The following ZNF862 variants were observed in gnomAD, a reference collection of about 807,000 sequenced individuals.
ZNF862 encodes the protein zinc finger protein 862.
In ZNF862, 64 loss-of-function variants were observed where a neutral mutation model predicts 91.1. That is an observed-to-expected ratio of 0.70 (90% CI 0.57 to 0.87). ZNF862 has a LOEUF of 0.87. ZNF862 is among the 40% of genes least tolerant of loss of function. The pLI is 0.00. For synonymous variants in ZNF862, 631 were observed against 618.1 expected (o/e 1.02, Z -0.31); for missense variants, 1,459 against 1,528.0 (o/e 0.95, Z 0.75).
In ZNF862 at chr7:149,861,223, C is replaced by G. The variant is rs764707645; in HGVS notation, c.2063C>G (p.Pro688Arg). 15 of 1,612,278 alleles carry G rather than the reference C, an allele frequency of 9.3e-6. No individual in the cohort carries two copies. The highest frequency in any genetic ancestry group is 2.5e-6 in the Non-Finnish European group (3 of 1,179,524). Residue 688 changes from proline to arginine, a missense_variant, in exon 7 of 8, where the codon CCT (proline) becomes CGT (arginine). Physicochemically the swap from Pro to Arg is moderately radical, Grantham distance 103 (BLOSUM62 -2). Coordinates refer to ENST00000223210, the MANE Select transcript of ZNF862 (RefSeq NM_001099220.3). The surrounding 1 kb of genome is among the most constrained non-coding windows in gnomAD (Gnocchi z 6.7). ...GAGCTGGACATCCCCTTCCGGAAGC[C>G]TGGCTGGGTGGTGGGGCTGGGGACG... Reference protein sequence around the residue: ...LDELDIPFRKPGWVVGLGTDG... With the variant: ...LDELDIPFRKRGWVVGLGTDG...
intron 1 of ZNF862, among the ~76,000 whole-genome samples, 167 bp from the exon 2 acceptor site, chr7:149,844,458 G>A (rs753222821): frequency 2.6e-5 from 4 of 152,134 alleles, no homozygotes; most frequent in African/African-American, 4.8e-5. Flanking sequence ...AACGAGTCTC[G>A]TTGTCACTGT....
intron 5 of ZNF862, among the ~76,000 whole-genome samples, chr7:149,854,043 ATT>A (rs1417446831): frequency 6.6e-6 from 1 of 151,952 alleles, no homozygotes; most frequent in African/African-American, 2.4e-5. Flanking sequence ...AATTTGCCGC[ATT>A]ATTTCTAAAT....
Position 149,850,076 on chromosome 7 carries a change from A to C in ZNF862, c.940-85A>C. On this transcript the variant is annotated intron_variant, in intron 4 of 7. Coordinates refer to ENST00000223210, the MANE Select transcript of ZNF862 (RefSeq NM_001099220.3). This position sits in a 1 kb window ranked among gnomAD's most constrained non-coding sequence, Gnocchi z 4.2. The stretch of plus-strand genomic sequence containing the variant: ...GCCTCTTGGTGAGCTTCCCAGGAGA[A>C]ATAGGGCTTCCAAAGGCCCCAGAAG... 6.9e-7 allele frequency: 1 copy of C among 1,439,052 alleles called. No homozygotes were observed. The highest frequency in any genetic ancestry group is 2.5e-5 in the East Asian group (1 of 40,356). 89.1% of individuals were successfully genotyped at this position (1,439,052 alleles called of 1,614,324 possible).
In ZNF862 at chr7:149,865,139, GT is replaced by G. The variant is rs1802666240; in HGVS notation, c.*856del. On this transcript the variant is annotated 3_prime_UTR_variant, in exon 8 of 8. Coordinates refer to ENST00000223210, the MANE Select transcript of ZNF862 (RefSeq NM_001099220.3). ...CCATGAAGTGGCAGCAGAGATCCAA[GT>G]GCCTGCTGACTCCCCATCTGCCCTA... is the stretch of plus-strand genomic sequence containing the variant. The G allele has an allele frequency of 6.6e-6, 1 of 152,258 alleles. No individual in the cohort carries two copies. The highest frequency in any genetic ancestry group is 1.5e-5 in the Non-Finnish European group (1 of 68,108). The allele number at this position is 152,258 out of a possible 1,614,324, so 9.4% of individuals were successfully genotyped here.
In ZNF862 at chr7:149,846,130, CTTTTT is replaced by C; in HGVS notation, c.137-13_137-9del. On this transcript the variant is annotated splice_polypyrimidine_tract_variant and intron_variant, in intron 2 of 7. Transcript: ENST00000223210. The stretch of plus-strand genomic sequence containing the variant: ...AGTGCTTTTCTCTCTCTCTCGCTCT[CTTTTT>C]TTTTTTTGGACTCAGGACCAACTGT... The C allele has an allele frequency of 7.3e-7, 1 of 1,360,740 alleles. No individual in the cohort carries two copies. Among genetic ancestry groups the C allele is most frequent in the Non-Finnish European group, 1.0e-6 (1 of 978,068 alleles). 84.3% of individuals were successfully genotyped at this position (1,360,740 alleles called of 1,614,324 possible).
In ZNF862 at chr7:149,861,039, C is replaced by T; in HGVS notation, c.1879C>T (p.Leu627=). The part of the protein sequence containing the change: ...DVRNSPCVSV[L]LDSSTDASEQ... ...GCGGAACTCGCCCTGTGTGAGCGTG[C>T]TGCTGGACAGCTCCACCGACGCCTC... is the stretch of plus-strand genomic sequence containing the variant. The change falls in exon 7 of 8, where the codon CTG becomes TTG. Residue 627 remains leucine (L), a synonymous_variant. Transcript: ENST00000223210. This position sits in a 1 kb window ranked among gnomAD's most constrained non-coding sequence, Gnocchi z 6.7. The T allele has an allele frequency of 6.2e-7, 1 of 1,612,810 alleles. No individual in the cohort carries two copies.
At chr7:149,849,509 A>G (rs1269908479) in intron 4 of ZNF862, among the ~76,000 whole-genome samples, 1 of 152,224 alleles carries the variant, frequency 6.6e-6, no homozygotes, top group Non-Finnish European at 1.5e-5. Context: ...ACAACAAATC[A>G]TTTTTAACTC....
intron 3 of ZNF862, 57 bp downstream of exon 3, chr7:149,846,312 G>C (rs1328550140): frequency 4.0e-5 from 55 of 1,358,278 alleles, no homozygotes. Context: ...AGCATGGGCA[G>C]CCCCAGGACT....
At position 149,848,300 on chromosome 7, in the gene ZNF862, G is replaced by T. The variant is rs368804918; in HGVS notation, c.807G>T (p.Gly269=). Residue 269 remains glycine (G), a synonymous_variant, in exon 4 of 8, where the codon GGG becomes GGT. Transcript: ENST00000223210. ...PSSRAELEDP[G]GDGAIPAMYL... ...CAAGAGCTGAACTAGAGGACCCTGG[G>T]GGGGATGGAGCAATTCCTGCAATGT... The T allele has an allele frequency of 3.7e-6, 6 of 1,608,484 alleles. No homozygotes were observed. In the African/African-American group the frequency reaches 4.0e-5, roughly 11 times the overall value.
intron 5 of ZNF862, among the ~76,000 whole-genome samples, chr7:149,857,255 GT>G (rs1802293458): frequency 6.6e-6 from 1 of 151,700 alleles, no homozygotes; most frequent in Non-Finnish European, 1.5e-5. Context: ...CTTCCTATTA[GT>G]TTGATATTGG....
intron 1 of ZNF862, chr7:149,841,112 A>C: frequency 1.0e-6 from 1 of 985,448 alleles, no homozygotes. Context: ...GAATGAAATA[A>C]AGTAATTACA....
chr7:149,863,698 G>T (rs1473147299), intron 7 of ZNF862, among the ~76,000 whole-genome samples: 1 of 152,180 alleles, frequency 6.6e-6, no homozygotes, highest in Non-Finnish European at 1.5e-5. Context: ...ACGCACCGCT[G>T]CCTCCTTCCA....
At position 149,848,035 on chromosome 7, in the gene ZNF862, A is replaced by G. The variant is rs572773163; in HGVS notation, c.542A>G (p.Tyr181Cys). The G allele has an allele frequency of 6.2e-7, 1 of 1,613,980 alleles. No homozygotes were observed. Among genetic ancestry groups the G allele is most frequent in the East Asian group, 2.2e-5 (1 of 44,892 alleles). ...RDKRSRLIEG[Y>C]TGPFKVETLK... Reference sequence around the variant, plus strand: ...AAACGGTCAAGACTAATAGAAGGTTATACAGGACCATTCAAGGTGGAGACT... The same window carrying G: ...AAACGGTCAAGACTAATAGAAGGTTGTACAGGACCATTCAAGGTGGAGACT... Residue 181 changes from tyrosine (Y) to cysteine (C), a missense_variant, in exon 4 of 8, where the codon TAT becomes TGT. Physicochemically the swap from Tyr to Cys is radical, Grantham distance 194. Coordinates refer to ENST00000223210, the MANE Select transcript of ZNF862 (RefSeq NM_001099220.3).
In ZNF862 at chr7:149,862,428, AC is replaced by A; in HGVS notation, c.3270del (p.Ser1091ProfsTer55). 6.2e-7 allele frequency: 1 copy of A among 1,611,804 alleles called. No homozygotes were observed. Among genetic ancestry groups the A allele is most frequent in the Non-Finnish European group, 8.5e-7 (1 of 1,179,578 alleles). On this transcript the variant is annotated frameshift_variant, in exon 7 of 8. Transcript: ENST00000223210. LOFTEE classifies it high-confidence loss of function. ...GCCCGCCATCCAGCACTGGTACCTG[AC>A]CTCCTCAGGCCGGCGTTTCAGCCAT... The part of the protein sequence containing the change: ...PQPAIQHWYL[T>X]SSGRRFSHVY...
At position 149,847,728 on chromosome 7, in the gene ZNF862, T is replaced by C. The variant is rs755169188; in HGVS notation, c.242-7T>C. On this transcript the variant is annotated splice_polypyrimidine_tract_variant and splice_region_variant and intron_variant, in intron 3 of 7. Transcript: ENST00000223210. ...TAAAGCCAATCCCTTCTGTCTCTTC[T>C]CTAAAGGAAAAAAACAGATGGGCTA... 1 of 1,600,662 alleles carries C rather than the reference T, an allele frequency of 6.2e-7. No homozygotes were observed. The highest frequency in any genetic ancestry group is 8.5e-7 in the Non-Finnish European group (1 of 1,173,818).
At chr7:149,859,914 T>C in intron 6 of ZNF862, 1 of 254,588 alleles carries the variant, frequency 3.9e-6, no homozygotes, top group Non-Finnish European at 7.5e-6. Context: ...TTGTCTTGCC[T>C]ATCTCAATCA....
intron 5 of ZNF862, chr7:149,858,631 G>C (rs1012366491): frequency 6.6e-6 from 1 of 152,252 alleles, no homozygotes; most frequent in South Asian, 2.1e-4. Context: ...ACAAAAGCAT[G>C]ATGTAGATAG....
Position 149,864,875 on chromosome 7 carries a change from A to G in ZNF862, c.*591A>G, listed in dbSNP as rs1802659289. ...GGCGAAACAATCACAAGCCCTTTGC[A>G]CAGAGCACCCAAGAAAGTTCTCTTC... On this transcript the variant is annotated 3_prime_UTR_variant, in exon 8 of 8. Coordinates refer to ENST00000223210, the MANE Select transcript of ZNF862 (RefSeq NM_001099220.3). The G allele has an allele frequency of 1.3e-5, 2 of 152,494 alleles. No individual in the cohort carries two copies. The highest frequency in any genetic ancestry group is 6.5e-5 in the Admixed American group (1 of 15,320). The allele number at this position is 152,494 out of a possible 1,614,324, so 9.4% of individuals were successfully genotyped here.
intron 1 of ZNF862, among the ~76,000 whole-genome samples, chr7:149,842,076 C>T (rs1801728248): frequency 6.6e-6 from 1 of 152,140 alleles, no homozygotes; most frequent in East Asian, 1.9e-4. Flanking sequence ...CTTCCTTGCT[C>T]AGGAGAAGGA....
Sources: allele counts gnomAD v4.1 joint callset (sites outside exome capture counted in the v4.1 genomes callset), GRCh38; gene constraint gnomAD v4.1.1; non-coding constraint Gnocchi (gnomAD v3.1); transcripts MANE v1.5; gene names NCBI Gene and HGNC (gene_info 2026-07-23, HGNC 2026-07-21).